NCALD: variants seen among roughly 807,000 people sequenced by gnomAD.
NCALD encodes neurocalcin delta.
NCALD carries 10 observed loss-of-function variants against 18.6 expected under a neutral mutation model. The observed-to-expected ratio is 0.54, with a 90% confidence interval of 0.33 to 0.91. NCALD has a LOEUF of 0.91. NCALD is among the 40% of genes least tolerant of loss of function. The probability of loss-of-function intolerance (pLI) is 0.03; values close to 1 mark genes in which losing one functional copy is unlikely to be tolerated. For synonymous variants in NCALD, 88 were observed against 87.4 expected (o/e 1.01, Z -0.04); for missense variants, 184 against 247.6 (o/e 0.74, Z 1.72).
intron 3 of NCALD, among the ~76,000 whole-genome samples, chr8:101,909,057 A>C (rs1817702787): frequency 6.6e-6 from 1 of 152,144 alleles, no homozygotes. Context: ...CTATAAGGAA[A>C]GTGATCTTTT....
intron 2 of NCALD, among the ~76,000 whole-genome samples, chr8:101,706,314 AT>A (rs1485154970): frequency 2.2e-4 from 32 of 148,250 alleles, no homozygotes; most frequent in East Asian, 6.0e-4. Flanking sequence ...TAGTAAGACT[AT>A]TTAAAAAAAA....
At position 101,922,395 on chromosome 8, in the gene NCALD, G is replaced by A. The variant is rs1818198988; in HGVS notation, c.-156-6537C>T. On this transcript the variant is annotated intron_variant, in intron 2 of 6. Transcript: ENST00000311028. ...GTCTATTTTCTACATTATTGGACAC[G>A]TTTCATTGACCTGCTCACAGAAGCA... is the stretch of plus-strand genomic sequence containing the variant. 6.6e-5 allele frequency among the ~76,000 whole-genome samples: 10 copies of A among 152,090 alleles called. No individual in the cohort carries two copies. In the South Asian group the frequency reaches 1.9e-3, roughly 28 times the overall value.
In NCALD at chr8:101,827,467, A is replaced by G. The variant is rs1018017743; in HGVS notation, c.-20+59674T>C. ...CAAAGCCACAAGTCCCTGAACAAAT[A>G]GTACGTGAGATCATGCCTTTTGCTT... On this transcript the variant is annotated intron_variant, in intron 4 of 6. Transcript: ENST00000311028. Among the ~76,000 whole-genome samples, 5 of 152,350 alleles carry G rather than the reference A, an allele frequency of 3.3e-5. 1 individual carries two copies. Among genetic ancestry groups the G allele is most frequent in the Admixed American group, 3.3e-4 (5 of 15,302 alleles).
At chr8:101,903,203 T>TA (rs1182344983) in intron 3 of NCALD, among the ~76,000 whole-genome samples, 4 of 151,552 alleles carry the variant, frequency 2.6e-5, no homozygotes, top group African/African-American at 7.3e-5. Flanking sequence ...AGGAATTTTT[T>TA]TTTTTTTTTT....
At chr8:102,003,868 G>A (rs1821586597) in intron 2 of NCALD, among the ~76,000 whole-genome samples, 1 of 152,088 alleles carries the variant, frequency 6.6e-6, no homozygotes, top group South Asian at 2.1e-4. Context: ...CGGTATTGAT[G>A]GGACGTATCT....
intron 4 of NCALD, among the ~76,000 whole-genome samples, chr8:101,875,774 G>C (rs1386103015): frequency 6.6e-6 from 1 of 152,140 alleles, no homozygotes; most frequent in Non-Finnish European, 1.5e-5. Flanking sequence ...CCCCTCCCTG[G>C]GAAGGACAAA....
At chr8:101,773,173 A>G (rs1355785688) in intron 1 of NCALD, among the ~76,000 whole-genome samples, 1 of 152,044 alleles carries the variant, frequency 6.6e-6, no homozygotes, top group Non-Finnish European at 1.5e-5. Context: ...TTGATTTTCC[A>G]TTCCATATCA....
intron 2 of NCALD, among the ~76,000 whole-genome samples, chr8:101,933,672 T>C (rs543765711): frequency 1.3e-5 from 2 of 152,182 alleles, no homozygotes; most frequent in South Asian, 2.1e-4. Flanking sequence ...ACCTACACAT[T>C]ATATTCAAAT....
intron 2 of NCALD, among the ~76,000 whole-genome samples, chr8:101,708,296 C>G (rs1372322634): frequency 6.6e-6 from 1 of 152,228 alleles, no homozygotes; most frequent in Admixed American, 6.5e-5. Context: ...CCGGTAAAGA[C>G]AGCAGGTAGA....
At chr8:102,059,535 G>C (rs1823767374) in intron 1 of NCALD, among the ~76,000 whole-genome samples, 1 of 152,128 alleles carries the variant, frequency 6.6e-6, no homozygotes, top group African/African-American at 2.4e-5. Flanking sequence ...AGGCAAACAT[G>C]AACAAAATCA....
chr8:101,770,459 T>C (rs1811536896), intron 1 of NCALD, among the ~76,000 whole-genome samples: 1 of 152,332 alleles, frequency 6.6e-6, no homozygotes, highest in African/African-American at 2.4e-5. Context: ...TCCTTCTTAC[T>C]CTCTGATGGT....
chr8:101,972,098 T>C (rs1820262314), intron 2 of NCALD, among the ~76,000 whole-genome samples: 1 of 152,116 alleles, frequency 6.6e-6, no homozygotes, highest in Admixed American at 6.5e-5. Flanking sequence ...GAGGAGGATG[T>C]TGATGAGGAT....
intron 1 of NCALD, among the ~76,000 whole-genome samples, chr8:102,045,433 C>T (rs963471856): frequency 2.6e-5 from 4 of 152,172 alleles, no homozygotes; most frequent in Non-Finnish European, 5.9e-5. Flanking sequence ...AAAACGCTTA[C>T]ATTTTATTCT....
At chr8:101,937,098 A>G (rs554729623) in intron 2 of NCALD, among the ~76,000 whole-genome samples, 2 of 152,326 alleles carry the variant, frequency 1.3e-5, no homozygotes, top group Admixed American at 6.5e-5. Context: ...AAACCATTAA[A>G]TGATCCTAAC....
chr8:101,944,292 C>T lies in NCALD; in HGVS notation c.-156-28434G>A, dbSNP rs577252767. 1.1e-4 allele frequency among the ~76,000 whole-genome samples: 16 copies of T among 152,316 alleles called. 1 individual carries two copies. The East Asian group carries it at 2.9e-3, about 28-fold the overall frequency. On this transcript the variant is annotated intron_variant, in intron 2 of 6. Coordinates refer to the NCALD transcript ENST00000311028. ...CCCACCTAAAGGTAGTTTTCACAGGCTGCTTATGTGTACCCTGTCCAATAT... is the reference window on the plus strand; with the variant it reads ...CCCACCTAAAGGTAGTTTTCACAGGTTGCTTATGTGTACCCTGTCCAATAT...
At chr8:102,038,304 C>A (rs960199031) in intron 1 of NCALD, among the ~76,000 whole-genome samples, 1 of 152,158 alleles carries the variant, frequency 6.6e-6, no homozygotes, top group African/African-American at 2.4e-5. Flanking sequence ...GGAAAGAAAA[C>A]AATTGCTGAT....
intron 2 of NCALD, among the ~76,000 whole-genome samples, chr8:101,982,509 G>T (rs1449361795): frequency 6.6e-6 from 1 of 152,182 alleles, no homozygotes; most frequent in Non-Finnish European, 1.5e-5. Context: ...CATAAAAAAA[G>T]GGTATAGCCT....
chr8:101,704,421 TG>T (rs910944315), intron 2 of NCALD, among the ~76,000 whole-genome samples: 4 of 152,086 alleles, frequency 2.6e-5, no homozygotes, highest in Admixed American at 6.5e-5. Flanking sequence ...GAGGGAAATG[TG>T]GTAAGAGTGT....
At chr8:101,955,109 A>T (rs941516122) in intron 2 of NCALD, among the ~76,000 whole-genome samples, 2 of 152,256 alleles carry the variant, frequency 1.3e-5, no homozygotes, top group African/African-American at 4.8e-5. Flanking sequence ...CCAAGTGAAT[A>T]AATGGCAGAA....
Sources: allele counts gnomAD v4.1 joint callset (sites outside exome capture counted in the v4.1 genomes callset), GRCh38; gene constraint gnomAD v4.1.1; transcripts MANE v1.5; gene names NCBI Gene and HGNC (gene_info 2026-07-23, HGNC 2026-07-21).